The following WARS1 variants were observed in gnomAD, a reference collection of about 807,000 sequenced individuals.
WARS1 encodes tryptophanyl-tRNA synthetase 1, also known as tryptophan--tRNA ligase, cytoplasmic.
A neutral mutation model predicts 47.8 loss-of-function variants in WARS1; 17 were observed. The observed-to-expected ratio is 0.36, with a 90% confidence interval of 0.24 to 0.53. The LOEUF is 0.53. Ranked by LOEUF, WARS1 falls within the 20% of genes least tolerant of loss-of-function variation. The pLI, the probability that WARS1 is intolerant of heterozygous loss-of-function variation, is 0.91. For synonymous variants in WARS1, 208 were observed against 228.1 expected, an observed-to-expected ratio of 0.91 and a Z score of 0.79; for missense variants, 434 against 608.0, an observed-to-expected ratio of 0.71 and a Z score of 3.01.
chr14:100,362,618 C>A (rs541725063), intron 2 of WARS1, among the ~76,000 whole-genome samples: 1 of 152,030 alleles, frequency 6.6e-6, no homozygotes, highest in South Asian at 2.1e-4. Flanking sequence ...ATAGTGGCCA[C>A]CCCTGGAAGC....
At chr14:100,356,910 T>C (rs1178451003) in intron 4 of WARS1, among the ~76,000 whole-genome samples, 2 of 152,032 alleles carry the variant, frequency 1.3e-5, no homozygotes, top group African/African-American at 2.4e-5. Context: ...TCCAGCAACA[T>C]ATAAAAAAGA....
At position 100,334,870 on chromosome 14, in the gene WARS1, G is replaced by C. The variant is rs1334717302; in HGVS notation, c.*5C>G. On this transcript the variant is annotated 3_prime_UTR_variant, in exon 11 of 11. Coordinates refer to ENST00000392882, the MANE Select transcript of WARS1 (RefSeq NM_004184.4). ...CTTCTTTTATAAGCATATGTAAAAC[G>C]AGTGCTACTGAAAGTCGAAGGACAG... The C allele has an allele frequency of 1.2e-6, 2 of 1,613,384 alleles. No homozygotes were observed. Among genetic ancestry groups the C allele is most frequent in the East Asian group, 4.5e-5 (2 of 44,864 alleles).
chr14:100,342,706 C>CGT (rs10636945), intron 8 of WARS1, 135 bp from the exon 9 acceptor site: 5 of 739,312 alleles, frequency 6.8e-6, no homozygotes, highest in East Asian at 2.8e-5. Flanking sequence ...TCCTCCCCTT[C>CGT]ATCTTTTCCT....
intron 9 of WARS1, 159 bp downstream of exon 9, chr14:100,342,239 G>A: frequency 1.0e-6 from 1 of 960,578 alleles, no homozygotes; most frequent in Non-Finnish European, 1.6e-6. Flanking sequence ...GCTGCCTTGA[G>A]TTCTGCAGGG....
chr14:100,354,168 G>A (rs1895169186), intron 5 of WARS1: 1 of 505,730 alleles, frequency 2.0e-6, no homozygotes, highest in African/African-American at 1.9e-5. Flanking sequence ...GGAAACTTAG[G>A]CTCAGAGAAG....
At chr14:100,339,590 CAAAAAAAAAA>C (rs386382322) in intron 9 of WARS1, among the ~76,000 whole-genome samples, 1 of 78,648 alleles carries the variant, frequency 1.3e-5, no homozygotes, top group African/African-American at 5.6e-5. Flanking sequence ...GACTCCGTCT[CAAAAAAAAAA>C]AAAAAAAAAG....
At chr14:100,352,574 T>C (rs1895066415) in intron 6 of WARS1, among the ~76,000 whole-genome samples, 1 of 152,162 alleles carries the variant, frequency 6.6e-6, no homozygotes, top group Non-Finnish European at 1.5e-5. Context: ...GAGGGCCTGC[T>C]CAGAGCCCAG....
chr14:100,341,333 G>C (rs1260787298), intron 9 of WARS1, among the ~76,000 whole-genome samples: 1 of 152,214 alleles, frequency 6.6e-6, no homozygotes, highest in African/African-American at 2.4e-5. Context: ...AGAAGTGAAA[G>C]GGAAAGAAAA....
At chr14:100,339,371 T>C (rs112399458) in intron 9 of WARS1, among the ~76,000 whole-genome samples, 2,043 of 151,980 alleles carry the variant, frequency 0.013, 37 homozygotes, top group African/African-American at 0.039. Flanking sequence ...GCGGGCAGAT[T>C]ACGAGGTCAG....
chr14:100,334,976 G>A lies in WARS1; in HGVS notation c.1315C>T (p.Gln439Ter). The A allele has an allele frequency of 6.2e-7, 1 of 1,614,202 alleles. No homozygotes were observed. The highest frequency in any genetic ancestry group is 8.5e-7 in the Non-Finnish European group (1 of 1,180,030). ...GCCTGGTGCTCTGCGATCAAGGGCT[G>A]CAGAACCTCTATGAGTGCCTTCTTG... ...ELKKALIEVL[Q>*]PLIAEHQARR... is the part of the protein sequence containing the mutation. The change falls in exon 11 of 11, where the codon CAG becomes TAG. Residue 439 changes from glutamine to a stop codon, truncating the protein, a stop_gained. Transcript: ENST00000392882. LOFTEE classifies it high-confidence loss of function.
At chr14:100,350,445 C>T (rs1022328400) in intron 6 of WARS1, among the ~76,000 whole-genome samples, 1 of 142,966 alleles carries the variant, frequency 7.0e-6, no homozygotes, top group Non-Finnish European at 1.5e-5. Flanking sequence ...AAGGTGGAGG[C>T]TGGTCAGGAG....
chr14:100,362,218 C>T lies in WARS1; in HGVS notation c.100-297G>A, dbSNP rs553648455. ...ACACTTTGGGACAGTAGCAGTGACA[C>T]AATATACACTGTCATTTATGACAAA... On this transcript the variant is annotated intron_variant, in intron 2 of 10. Transcript: ENST00000392882. Among the ~76,000 whole-genome samples, 3 of 152,318 alleles carry T rather than the reference C, an allele frequency of 2.0e-5. No homozygotes were observed. The South Asian group carries it at 6.2e-4, about 32-fold the overall frequency.
rs371029229 is a variant in WARS1 at position 100,373,150 on chromosome 14, CT to C, written c.-74+2132del. ...TGTACCTCTAGTACCTGGCACACAG[CT>C]TATCAAAAAATATTTACCTAATGAA... On this transcript the variant is annotated intron_variant, in intron 1 of 10. Transcript: ENST00000392882. This position sits in a 1 kb window ranked among gnomAD's most constrained non-coding sequence, Gnocchi z 4.4. Among the ~76,000 whole-genome samples the C allele has an allele frequency of 3.3e-4, 50 of 152,302 alleles. 1 individual carries two copies. The East Asian group carries it at 7.9e-3, about 24-fold the overall frequency.
chr14:100,359,119 A>G (rs112249089), intron 4 of WARS1, among the ~76,000 whole-genome samples: 1 of 152,222 alleles, frequency 6.6e-6, no homozygotes, highest in African/African-American at 2.4e-5. Context: ...AGTTCCTCAA[A>G]GAGTTAAACA....
intron 2 of WARS1, 27 bp downstream of exon 2, chr14:100,369,060 C>T (rs941285835): frequency 3.6e-5 from 53 of 1,486,196 alleles, no homozygotes; most frequent in East Asian, 4.9e-5. Context: ...CAGCTGCCTT[C>T]GTGGAGAACC....
At chr14:100,335,234 G>C (rs1409064142) in intron 10 of WARS1, among the ~76,000 whole-genome samples, 198 bp from the exon 11 acceptor site, 1 of 152,110 alleles carries the variant, frequency 6.6e-6, no homozygotes. Flanking sequence ...TAGAAACCTG[G>C]CTCTGACGAT....
chr14:100,366,701 G>A (rs922304832), intron 2 of WARS1: 24 of 793,390 alleles, frequency 3.0e-5, no homozygotes, highest in Non-Finnish European at 5.1e-5. Flanking sequence ...GAAGACAGAA[G>A]GGACACCATT....
rs1474045899 is a variant in WARS1, at chr14:100,340,922, T to C, written c.1113+1476A>G. 6.6e-5 allele frequency among the ~76,000 whole-genome samples: 10 copies of C among 150,564 alleles called. 2 individuals are homozygous for C. Among genetic ancestry groups the C allele is most frequent in the African/African-American group, 1.5e-4 (6 of 41,288 alleles). ...AAGTTTTTCTTTTTTCTTTTCTTTT[T>C]TTTTTTTTTTGAGCTGGAGTCTCAC... On this transcript the variant is annotated intron_variant, in intron 9 of 10. Transcript: ENST00000392882.
intron 4 of WARS1, among the ~76,000 whole-genome samples, chr14:100,357,263 T>C (rs912582315): frequency 6.6e-6 from 1 of 152,102 alleles, no homozygotes; most frequent in Non-Finnish European, 1.5e-5. Context: ...TTCAACATCC[T>C]ATTGAAAGTT....
Sources: gnomAD v4.1 joint callset for allele counts (sites outside exome capture counted in the v4.1 genomes callset) on GRCh38, gnomAD v4.1.1 for gene constraint, Gnocchi (gnomAD v3.1) non-coding constraint, MANE v1.5 for transcripts, NCBI Gene and HGNC (gene_info 2026-07-23, HGNC 2026-07-21) for gene names.